Variants in LARP1B observed in about 807,000 individuals in gnomAD.
LARP1B encodes the protein La ribonucleoprotein 1B.
Under a neutral mutation model 114.2 loss-of-function variants are expected in LARP1B, and 76 were observed. The observed-to-expected ratio is 0.67, with a 90% CI of 0.55 to 0.81. The LOEUF (loss-of-function observed/expected upper bound fraction) is 0.81, where lower values mean the gene tolerates loss of function less well. LARP1B is among the 30% of genes least tolerant of loss of function. The pLI, the probability that LARP1B is intolerant of heterozygous loss-of-function variation, is 0.00. For missense variants in LARP1B, 1,014 were observed against 1,075.8 expected (o/e 0.94, Z 0.80); for synonymous variants, 345 against 348.0 (o/e 0.99, Z 0.10).
Position 128,074,968 on chromosome 4 carries a change from C to T in LARP1B, c.17C>T (p.Thr6Ile). MENWP[T>I]PSELVNTGFQ... Reference sequence around the variant, plus strand: ...TTCAGTGATATGGAGAATTGGCCAACACCAAGTGAATTAGTGAACACTGGA... The same window carrying T: ...TTCAGTGATATGGAGAATTGGCCAATACCAAGTGAATTAGTGAACACTGGA... The change falls in exon 3 of 20, where the codon ACA (threonine) becomes ATA (isoleucine). Residue 6 changes from threonine to isoleucine, a missense_variant. Transcript: ENST00000326639. The T allele has an allele frequency of 6.2e-7, 1 of 1,609,578 alleles. No individual in the cohort carries two copies. The highest frequency in any genetic ancestry group is 8.5e-7 in the Non-Finnish European group (1 of 1,176,376).
At chr4:128,061,937 G>C in intron 1 of LARP1B, 1 of 985,208 alleles carries the variant, frequency 1.0e-6, no homozygotes, top group Non-Finnish European at 1.2e-6. Context: ...GGCTGTCCCC[G>C]TGAGGCCCCT....
In LARP1B at chr4:128,169,915, G is replaced by T. The variant is rs541422298; in HGVS notation, c.1649-6957G>T. 2.4e-3 allele frequency among the ~76,000 whole-genome samples: 362 copies of T among 152,196 alleles called. 2 individuals carry two copies. Among genetic ancestry groups the T allele is most frequent in the African/African-American group, 8.1e-3 (337 of 41,538 alleles). ...GCCTCCCAAAGTGCTGGGATTACAGGCATGAGCCATGAGCACAGCCCTTAA... is the reference window on the plus strand; with the variant it reads ...GCCTCCCAAAGTGCTGGGATTACAGTCATGAGCCATGAGCACAGCCCTTAA... On this transcript the variant is annotated intron_variant, in intron 12 of 19. Coordinates refer to ENST00000326639, the MANE Select transcript of LARP1B (RefSeq NM_018078.4).
chr4:128,064,920 T>TTAA (rs1054806296), intron 1 of LARP1B, among the ~76,000 whole-genome samples: 11 of 151,622 alleles, frequency 7.3e-5, no homozygotes, highest in Non-Finnish European at 1.5e-4. Context: ...AATAATAATA[T>TTAA]TAATAATAAT....
intron 15 of LARP1B, among the ~76,000 whole-genome samples, chr4:128,187,852 TGTGATA>T (rs1185813882): frequency 6.6e-6 from 1 of 152,148 alleles, no homozygotes; most frequent in African/African-American, 2.4e-5. Context: ...GAGTTGTCAT[TGTGATA>T]GTGAGTTGTG....
At chr4:128,112,466 A>ATTTTTTTTTTTT (rs1174266918) in intron 9 of LARP1B, among the ~76,000 whole-genome samples, 4 of 69,322 alleles carry the variant, frequency 5.8e-5, no homozygotes, top group Admixed American at 2.5e-4. Flanking sequence ...TGCTTACTCT[A>ATTTTTTTTTTTT]TTTTTTTTTT....
At chr4:128,097,800 T>A (rs1778619639) in intron 7 of LARP1B, among the ~76,000 whole-genome samples, 1 of 152,186 alleles carries the variant, frequency 6.6e-6, no homozygotes, top group Non-Finnish European at 1.5e-5. Context: ...TAACATGGGA[T>A]TAGCTTTGTT....
chr4:128,195,782 A>G (rs1753853844), intron 15 of LARP1B, among the ~76,000 whole-genome samples: 2 of 152,224 alleles, frequency 1.3e-5, no homozygotes, highest in Non-Finnish European at 2.9e-5. Flanking sequence ...ACTAAACCCA[A>G]AATAGTAGAG....
At chr4:128,162,071 T>C in intron 11 of LARP1B, 123 bp from the exon 12 acceptor site, 3 of 806,438 alleles carry the variant, frequency 3.7e-6, no homozygotes, top group Non-Finnish European at 5.8e-6. Context: ...TAGAACGTCT[T>C]TTTCACTCCA....
chr4:128,174,992 A>T (rs917843557), intron 12 of LARP1B, among the ~76,000 whole-genome samples: 2 of 152,144 alleles, frequency 1.3e-5, no homozygotes, highest in African/African-American at 4.8e-5. Flanking sequence ...ATTGCAATTG[A>T]CTGATAACAC....
chr4:128,122,321 T>C, intron 11 of LARP1B, 133 bp downstream of exon 11: 1 of 1,481,762 alleles, frequency 6.7e-7, no homozygotes, highest in Non-Finnish European at 8.9e-7. Flanking sequence ...ACTTGAAAAA[T>C]TCCTGGAAAT....
intron 1 of LARP1B, among the ~76,000 whole-genome samples, chr4:128,073,816 C>T (rs536673157): frequency 6.6e-6 from 1 of 151,844 alleles, no homozygotes; most frequent in South Asian, 2.1e-4. Context: ...GTCTCAAACT[C>T]CTGACTCCAG....
At chr4:128,207,643 A>G (rs1757956478) in intron 19 of LARP1B, among the ~76,000 whole-genome samples, 1 of 152,226 alleles carries the variant, frequency 6.6e-6, no homozygotes, top group Non-Finnish European at 1.5e-5. Flanking sequence ...ATAATTAAAC[A>G]TTTTCTAGAT....
Position 128,110,095 on chromosome 4 carries a change from A to G in LARP1B, c.988+2782A>G, listed in dbSNP as rs1783522273. Among the ~76,000 whole-genome samples, 12 of 151,914 alleles carry G rather than the reference A, an allele frequency of 7.9e-5. No homozygotes were observed. In the South Asian group the frequency reaches 2.3e-3, roughly 29 times the overall value. ...ATTTTTGTATTTTTAGTAGAGATGG[A>G]GTTTCACCATGTTGGTCAGGCTTGT... On this transcript the variant is annotated intron_variant, in intron 9 of 19. Transcript: ENST00000326639.
intron 12 of LARP1B, among the ~76,000 whole-genome samples, chr4:128,171,397 T>C (rs1743645646): frequency 6.6e-6 from 1 of 152,170 alleles, no homozygotes; most frequent in African/African-American, 2.4e-5. Flanking sequence ...CCTCCCAAAG[T>C]GCTGGGATTA....
chr4:128,172,610 T>C (rs572074729), intron 12 of LARP1B, among the ~76,000 whole-genome samples: 14 of 151,982 alleles, frequency 9.2e-5, no homozygotes, highest in Non-Finnish European at 1.9e-4. Flanking sequence ...CGAGAATCAC[T>C]TGAACCCGGG....
chr4:128,186,564 T>A (rs1414889628), intron 15 of LARP1B, among the ~76,000 whole-genome samples: 1 of 152,236 alleles, frequency 6.6e-6, no homozygotes, highest in Non-Finnish European at 1.5e-5. Context: ...TTTCTAAATA[T>A]AATATCAGAT....
chr4:128,109,557 G>C (rs1021714732), intron 9 of LARP1B, among the ~76,000 whole-genome samples: 5 of 151,930 alleles, frequency 3.3e-5, no homozygotes, highest in Admixed American at 2.0e-4. Context: ...GCAGTTTTAT[G>C]GATATTGTTA....
intron 17 of LARP1B, among the ~76,000 whole-genome samples, chr4:128,206,012 C>T (rs746032334): frequency 1.3e-5 from 2 of 152,104 alleles, no homozygotes; most frequent in South Asian, 2.1e-4. Context: ...GCATACCGGC[C>T]GGGCGCAGTG....
intron 7 of LARP1B, among the ~76,000 whole-genome samples, chr4:128,091,991 G>T (rs958793208): frequency 6.6e-6 from 1 of 152,092 alleles, no homozygotes; most frequent in Non-Finnish European, 1.5e-5. Context: ...ATTAAAGTAG[G>T]TGTTTTTAAA....
Sources: gnomAD v4.1 joint callset for allele counts (sites outside exome capture counted in the v4.1 genomes callset) on GRCh38, gnomAD v4.1.1 for gene constraint, MANE v1.5 for transcripts, NCBI Gene and HGNC (gene_info 2026-07-23, HGNC 2026-07-21) for gene names.